The following COX16 variants were observed in gnomAD, a reference collection of about 807,000 sequenced individuals.
COX16 encodes the protein cytochrome c oxidase assembly factor COX16, also known as cytochrome c oxidase assembly protein COX16 homolog, mitochondrial.
Under a neutral mutation model 15.4 loss-of-function variants are expected in COX16, and 12 were observed. That is an observed-to-expected ratio of 0.78 (90% CI 0.50 to 1.26). COX16 has a LOEUF of 1.26. COX16 is among the 50% of genes most tolerant of loss of function. The pLI is 0.00. For synonymous variants in COX16, 46 were observed against 41.1 expected (o/e 1.12, Z -0.46); for missense variants, 124 against 127.6 (o/e 0.97, Z 0.14).
At chr14:70,332,766 A>G (rs8021014) in intron 2 of COX16, among the ~76,000 whole-genome samples, 13,118 of 152,296 alleles carry the variant, frequency 0.086, 657 homozygotes, top group East Asian at 0.18. Context: ...GCAGATCCAG[A>G]AGGGGTCCAG....
At chr14:70,351,739 C>A (rs1886962705) in intron 1 of COX16, among the ~76,000 whole-genome samples, 1 of 152,126 alleles carries the variant, frequency 6.6e-6, no homozygotes, top group South Asian at 2.1e-4. Flanking sequence ...TTTATTTACT[C>A]ATTCTCTTGT....
At chr14:70,356,814 A>G (rs995953589) in intron 1 of COX16, among the ~76,000 whole-genome samples, 28 of 152,154 alleles carry the variant, frequency 1.8e-4, no homozygotes, top group African/African-American at 6.8e-4. Flanking sequence ...AGAACTCTGA[A>G]AATTAAGCAA....
chr14:70,333,261 T>C (rs1288190473), intron 2 of COX16, among the ~76,000 whole-genome samples: 3 of 152,126 alleles, frequency 2.0e-5, no homozygotes, highest in Admixed American at 6.5e-5. Context: ...CCTAAAATGA[T>C]GGAGATGTGT....
At chr14:70,356,560 A>G (rs1309070187) in intron 1 of COX16, among the ~76,000 whole-genome samples, 3 of 152,342 alleles carry the variant, frequency 2.0e-5, no homozygotes, top group East Asian at 3.9e-4. Flanking sequence ...TAACACAGAG[A>G]TAAATCAGAG....
rs1450764560 is a variant in COX16 at position 70,359,172 on chromosome 14, C to CT, written c.69+346dup. 1.5e-5 allele frequency: 7 copies of CT among 472,672 alleles called. No individual in the cohort carries two copies. The East Asian group carries it at 4.4e-4, about 30-fold the overall frequency. 29.3% of individuals were successfully genotyped at this position (472,672 alleles called of 1,614,324 possible). On this transcript the variant is annotated intron_variant, in intron 1 of 3. Coordinates refer to ENST00000389912, the MANE Select transcript of COX16 (RefSeq NM_016468.7). Reference sequence around the variant, plus strand: ...AAGCTTAGTAATCATCCAAACTTGGCTTAAAGTGTGGTTCTGACTGAATTC... The same window carrying CT: ...AAGCTTAGTAATCATCCAAACTTGGCTTTAAAGTGTGGTTCTGACTGAATTC...
chr14:70,357,426 C>G (rs11627020), intron 1 of COX16, among the ~76,000 whole-genome samples: 22,230 of 152,060 alleles, frequency 0.15, 1,787 homozygotes, highest in Middle Eastern at 0.18. Flanking sequence ...GAAGTGAAGG[C>G]TATACATGGA....
At chr14:70,352,238 G>A (rs914028289) in intron 1 of COX16, among the ~76,000 whole-genome samples, 1 of 152,168 alleles carries the variant, frequency 6.6e-6, no homozygotes, top group Non-Finnish European at 1.5e-5. Flanking sequence ...CTGGGCTAGA[G>A]TGCAGAGGAG....
intron 2 of COX16, among the ~76,000 whole-genome samples, chr14:70,329,488 T>C (rs1472439015): frequency 6.6e-6 from 1 of 152,072 alleles, no homozygotes; most frequent in East Asian, 1.9e-4. Context: ...TCTTGTTTCA[T>C]CCTCACAAAA....
chr14:70,334,714 A>G (rs1886396079), intron 2 of COX16, among the ~76,000 whole-genome samples: 1 of 152,228 alleles, frequency 6.6e-6, no homozygotes. Flanking sequence ...TAACAGATAC[A>G]CTAAAAATAA....
At chr14:70,335,008 AAG>A (rs1249412968) in intron 2 of COX16, among the ~76,000 whole-genome samples, 11 of 152,216 alleles carry the variant, frequency 7.2e-5, no homozygotes, top group African/African-American at 2.7e-4. Flanking sequence ...GGAATAGAAA[AAG>A]ATATTCCATG....
chr14:70,331,269 G>GT (rs1886279823), intron 2 of COX16, among the ~76,000 whole-genome samples: 1 of 152,186 alleles, frequency 6.6e-6, no homozygotes, highest in Admixed American at 6.5e-5. Context: ...GCCTCGCAAA[G>GT]TGCTGGGATT....
rs1886055826 is a variant in COX16 at position 70,325,956 on chromosome 14, TAGGAATCAGAAATCAGAGAATC to T, written c.*355_*376del. ...TTGGATCCAGACCTACTGTCCTCAT[TAGGAATCAGAAATCAGAGAATC>T]AGAAATCAGAATGAAATATCAAAAT... is the stretch of plus-strand genomic sequence containing the variant. On this transcript the variant is annotated 3_prime_UTR_variant, in exon 4 of 4. Coordinates refer to ENST00000389912, the MANE Select transcript of COX16 (RefSeq NM_016468.7). 2 of 153,272 alleles carry T rather than the reference TAGGAATCAGAAATCAGAGAATC, an allele frequency of 1.3e-5. No homozygotes were observed. The highest frequency in any genetic ancestry group is 4.8e-5 in the African/African-American group (2 of 41,446). The allele number at this position is 153,272 out of a possible 1,614,324, so 9.5% of individuals were successfully genotyped here.
At chr14:70,348,598 C>T (rs778247686) in intron 1 of COX16, among the ~76,000 whole-genome samples, 13 of 152,058 alleles carry the variant, frequency 8.5e-5, no homozygotes, top group Non-Finnish European at 1.0e-4. Context: ...GAAGCCAATC[C>T]GCTCCCCCAG....
chr14:70,326,345 A>AGTCTTAAGGCTTTCTGGATTTCTTCCT lies in COX16; in HGVS notation c.282_308dup (p.Gly95_Thr103dup). ...AGAATCAGCAGAGTCAAGTTGTCTT[A>AGTCTTAAGGCTTTCTGGATTTCTTCCT]GTCTTAAGGCTTTCTGGATTTCTTC... On this transcript the variant is annotated inframe_insertion, in exon 4 of 4. Coordinates refer to ENST00000389912, the MANE Select transcript of COX16 (RefSeq NM_016468.7). 6.5e-7 allele frequency: 1 copy of AGTCTTAAGGCTTTCTGGATTTCTTCCT among 1,530,058 alleles called. No individual in the cohort carries two copies. Among genetic ancestry groups the AGTCTTAAGGCTTTCTGGATTTCTTCCT allele is most frequent in the Non-Finnish European group, 8.8e-7 (1 of 1,140,682 alleles). The allele number at this position is 1,530,058 out of a possible 1,614,324, so 94.8% of individuals were successfully genotyped here.
chr14:70,328,072 ATTTTTTTTTTTTTTT>A (rs77655575), intron 3 of COX16: 1 of 80,840 alleles, frequency 1.2e-5, no homozygotes, highest in Non-Finnish European at 2.2e-5. Context: ...TGAGAATAAG[ATTTTTTTTTTTTTTT>A]TTTTTTTTTT....
At chr14:70,335,151 TAAC>T (rs540360085) in intron 2 of COX16, among the ~76,000 whole-genome samples, 83 of 152,186 alleles carry the variant, frequency 5.5e-4, no homozygotes, top group Middle Eastern at 3.4e-3. Context: ...CAAGAGAATA[TAAC>T]AACAGTAAAT....
intron 3 of COX16, 79 bp from the exon 4 acceptor site, chr14:70,326,528 GAATA>G: frequency 9.5e-7 from 1 of 1,053,698 alleles, no homozygotes; most frequent in Non-Finnish European, 1.3e-6. Context: ...CTAACTCAAT[GAATA>G]AATGAGTAGA....
intron 1 of COX16, among the ~76,000 whole-genome samples, chr14:70,343,883 G>A (rs1594919027): frequency 6.6e-6 from 1 of 152,332 alleles, no homozygotes; most frequent in East Asian, 1.9e-4. Context: ...AGAGCCAGCT[G>A]TGTGGAAACC....
intron 2 of COX16, among the ~76,000 whole-genome samples, chr14:70,331,538 C>T (rs1886291713): frequency 1.3e-5 from 2 of 152,124 alleles, no homozygotes; most frequent in African/African-American, 4.8e-5. Flanking sequence ...TGATTAACTT[C>T]ATCGGTCACC....
Sources: allele counts gnomAD v4.1 joint callset (sites outside exome capture counted in the v4.1 genomes callset), GRCh38; gene constraint gnomAD v4.1.1; transcripts MANE v1.5; gene names NCBI Gene and HGNC (gene_info 2026-07-23, HGNC 2026-07-21).